NEGR1: variants seen among roughly 807,000 people sequenced by gnomAD.
NEGR1 encodes the protein IgLON family member 4.
In NEGR1, 10 loss-of-function variants were observed where a neutral mutation model predicts 40.9. The observed-to-expected ratio is 0.24, with a 90% confidence interval of 0.15 to 0.42. The LOEUF (loss-of-function observed/expected upper bound fraction) is 0.42, where lower values mean the gene tolerates loss of function less well. Ranked by LOEUF, NEGR1 falls within the 10% of genes least tolerant of loss-of-function variation. The probability of loss-of-function intolerance (pLI) is 1.00; values close to 1 mark genes in which losing one functional copy is unlikely to be tolerated. For synonymous variants in NEGR1, 185 were observed against 166.8 expected, an observed-to-expected ratio of 1.11 and a Z score of -0.84; for missense variants, 352 against 438.9, an observed-to-expected ratio of 0.80 and a Z score of 1.77.
At chr1:72,117,599 G>A (rs1001669270) in intron 1 of NEGR1, among the ~76,000 whole-genome samples, 3 of 151,696 alleles carry the variant, frequency 2.0e-5, no homozygotes, top group Non-Finnish European at 2.9e-5. Context: ...CATGGAATTT[G>A]GGACAACCTG....
At chr1:71,705,139 A>G (rs1653844005) in intron 3 of NEGR1, among the ~76,000 whole-genome samples, 1 of 152,156 alleles carries the variant, frequency 6.6e-6, no homozygotes, top group Non-Finnish European at 1.5e-5. Flanking sequence ...GAAAAATAAC[A>G]TCTGACCTCA....
intron 6 of NEGR1, among the ~76,000 whole-genome samples, chr1:71,434,054 A>G (rs1421774877): frequency 6.6e-6 from 1 of 152,204 alleles, no homozygotes. Flanking sequence ...CCTTTGAACA[A>G]TACTGGTTAG....
At chr1:71,868,780 C>T (rs542855685) in intron 2 of NEGR1, among the ~76,000 whole-genome samples, 1 of 152,106 alleles carries the variant, frequency 6.6e-6, no homozygotes, top group Non-Finnish European at 1.5e-5. Flanking sequence ...TCTTTCCTCT[C>T]TCACTGACCT....
intron 2 of NEGR1, among the ~76,000 whole-genome samples, chr1:71,921,869 T>G (rs536165093): frequency 6.6e-6 from 1 of 151,872 alleles, no homozygotes; most frequent in East Asian, 1.9e-4. Context: ...GAGTCAAAGG[T>G]TATGTGCAGA....
intron 1 of NEGR1, among the ~76,000 whole-genome samples, chr1:72,024,079 T>G (rs1481954730): frequency 6.6e-6 from 1 of 152,138 alleles, no homozygotes; most frequent in Non-Finnish European, 1.5e-5. Context: ...AATTTACTAA[T>G]TTTCTTTAAC....
At position 71,662,251 on chromosome 1, in the gene NEGR1, G is replaced by A. The variant is rs1570167188; in HGVS notation, c.667+35757C>T. Among the ~76,000 whole-genome samples, 4 of 152,236 alleles carry A rather than the reference G, an allele frequency of 2.6e-5. 1 individual carries two copies. The East Asian group carries it at 7.7e-4, about 29-fold the overall frequency. On this transcript the variant is annotated intron_variant, in intron 4 of 6. Transcript: ENST00000357731. The stretch of plus-strand genomic sequence containing the variant: ...TCACAGACTATCTCACAATAATTGG[G>A]AAAGAATTAAATAAGCAAAAATAAT...
chr1:71,632,845 A>G (rs1651019757), intron 4 of NEGR1, among the ~76,000 whole-genome samples: 2 of 151,992 alleles, frequency 1.3e-5, no homozygotes, highest in Non-Finnish European at 2.9e-5. Context: ...CTGTTAACTT[A>G]TGGGAAAGCA....
intron 1 of NEGR1, among the ~76,000 whole-genome samples, chr1:72,099,756 T>G (rs1043651483): frequency 2.0e-5 from 3 of 151,982 alleles, no homozygotes; most frequent in African/African-American, 7.2e-5. Flanking sequence ...ATAAAATAGA[T>G]TTTATTTTAA....
In NEGR1 at chr1:72,144,577, A is replaced by G. The variant is rs373431423; in HGVS notation, c.176+137742T>C. Reference sequence around the variant, plus strand: ...TATATTTTACGTGTGAAGAAGCAAAACAACATTGTAGAGTTTCACCATTGA... The same window carrying G: ...TATATTTTACGTGTGAAGAAGCAAAGCAACATTGTAGAGTTTCACCATTGA... On this transcript the variant is annotated intron_variant, in intron 1 of 6. Transcript: ENST00000357731. 2.4e-4 allele frequency among the ~76,000 whole-genome samples: 37 copies of G among 152,118 alleles called. No homozygotes were observed. In the East Asian group the frequency reaches 3.3e-3, roughly 14 times the overall value.
At chr1:71,701,491 A>G (rs1653689299) in intron 3 of NEGR1, among the ~76,000 whole-genome samples, 1 of 151,984 alleles carries the variant, frequency 6.6e-6, no homozygotes, top group South Asian at 2.1e-4. Flanking sequence ...CAACTCTCTG[A>G]CCACTCTACT....
intron 1 of NEGR1, among the ~76,000 whole-genome samples, chr1:72,052,047 G>A (rs1300518043): frequency 6.6e-6 from 1 of 151,378 alleles, no homozygotes; most frequent in African/African-American, 2.4e-5. Context: ...GACTAACTTG[G>A]TGGGTATTTC....
chr1:71,718,407 C>T (rs1183765837), intron 3 of NEGR1, among the ~76,000 whole-genome samples: 1 of 152,164 alleles, frequency 6.6e-6, no homozygotes, highest in African/African-American at 2.4e-5. Flanking sequence ...CTTGAGCCTT[C>T]ACCAGAAGCT....
intron 2 of NEGR1, among the ~76,000 whole-genome samples, chr1:71,807,424 G>A (rs1254614133): frequency 6.6e-6 from 1 of 152,076 alleles, no homozygotes; most frequent in East Asian, 1.9e-4. Context: ...AAAACACCCT[G>A]TGAAAAGACT....
intron 1 of NEGR1, among the ~76,000 whole-genome samples, chr1:71,941,821 C>T (rs7544750): frequency 0.41 from 62,015 of 151,720 alleles, 13,782 homozygotes; most frequent in East Asian, 0.64. Context: ...CAAAACAAGA[C>T]TTTGAGTTAG....
chr1:72,055,906 A>G (rs1647105721), intron 1 of NEGR1, among the ~76,000 whole-genome samples: 1 of 150,160 alleles, frequency 6.7e-6, no homozygotes, highest in Admixed American at 6.7e-5. Context: ...TCTAGATACT[A>G]GTTCTTAAAA....
At chr1:71,454,787 C>T (rs762074759) in intron 6 of NEGR1, among the ~76,000 whole-genome samples, 3 of 152,178 alleles carry the variant, frequency 2.0e-5, no homozygotes, top group African/African-American at 7.2e-5. Flanking sequence ...ACCTATACCA[C>T]AGATTGGGGG....
chr1:72,091,073 T>C (rs2821259), intron 1 of NEGR1, among the ~76,000 whole-genome samples: 147,446 of 152,144 alleles, frequency 0.97, 71,503 homozygotes, highest in Middle Eastern at 1. Flanking sequence ...ATTCCACTCC[T>C]CCAAAATTGC....
chr1:71,792,330 C>A (rs1366589811), intron 2 of NEGR1, among the ~76,000 whole-genome samples: 1 of 152,004 alleles, frequency 6.6e-6, no homozygotes, highest in African/African-American at 2.4e-5. Flanking sequence ...TGTGAGTTTG[C>A]ATTTATAGAA....
intron 2 of NEGR1, among the ~76,000 whole-genome samples, chr1:71,779,441 A>G (rs1656622397): frequency 6.6e-6 from 1 of 152,208 alleles, no homozygotes; most frequent in Non-Finnish European, 1.5e-5. Context: ...AACAAGTTCA[A>G]TAGGTAAAAC....
Sources: gnomAD v4.1 joint callset for allele counts (sites outside exome capture counted in the v4.1 genomes callset) on GRCh38, gnomAD v4.1.1 for gene constraint, MANE v1.5 for transcripts, NCBI Gene and HGNC (gene_info 2026-07-23, HGNC 2026-07-21) for gene names.